The following CEMIP variants were observed in gnomAD, a reference collection of about 807,000 sequenced individuals.
The protein encoded by CEMIP is cell migration-inducing and hyaluronan-binding protein.
A neutral mutation model predicts 156.9 loss-of-function variants in CEMIP; 105 were observed. The observed-to-expected ratio is 0.67, with a 90% CI of 0.57 to 0.79. The LOEUF (loss-of-function observed/expected upper bound fraction) is 0.79, where lower values mean the gene tolerates loss of function less well. CEMIP is among the 30% of genes least tolerant of loss of function. The pLI is 0.00. For synonymous variants in CEMIP, 676 were observed against 668.4 expected, an observed-to-expected ratio of 1.01 and a Z score of -0.17; for missense variants, 1,457 against 1,769.4, an observed-to-expected ratio of 0.82 and a Z score of 3.17.
intron 19 of CEMIP, among the ~76,000 whole-genome samples, chr15:80,927,819 C>G (rs972295470): frequency 2.6e-5 from 4 of 152,066 alleles, no homozygotes; most frequent in Non-Finnish European, 4.4e-5. Context: ...GGAGATAAGA[C>G]TCAGGAAGTT....
At chr15:80,835,081 CAGAGAG>C (rs36062989) in intron 1 of CEMIP, among the ~76,000 whole-genome samples, 34,305 of 150,678 alleles carry the variant, frequency 0.23, 3,955 homozygotes, top group South Asian at 0.34. Flanking sequence ...GTCCTCATTG[CAGAGAG>C]AGAGAGAGAG....
intron 1 of CEMIP, among the ~76,000 whole-genome samples, chr15:80,840,818 A>G (rs1390263813): frequency 6.6e-6 from 1 of 152,170 alleles, no homozygotes; most frequent in Non-Finnish European, 1.5e-5. Context: ...TTACATTAGG[A>G]ACACCAGCAG....
intron 4 of CEMIP, 131 bp downstream of exon 4, chr15:80,878,998 G>A: frequency 8.2e-7 from 1 of 1,219,542 alleles, no homozygotes; most frequent in Non-Finnish European, 1.2e-6. Context: ...TTGGCATTTG[G>A]TTGTCTGAGA....
intron 1 of CEMIP, among the ~76,000 whole-genome samples, chr15:80,858,014 C>A (rs1003376069): frequency 6.6e-6 from 1 of 152,078 alleles, no homozygotes; most frequent in African/African-American, 2.4e-5. Context: ...GACAGAGAGG[C>A]CCATGTTGCA....
At chr15:80,874,050 G>C (rs1567077655) in intron 3 of CEMIP, 77 bp downstream of exon 3, 3 of 1,367,064 alleles carry the variant, frequency 2.2e-6, no homozygotes, top group Non-Finnish European at 3.1e-6. Flanking sequence ...GGCTGCTTTT[G>C]GGGGAGCCAG....
chr15:80,938,579 T>C (rs548697845), intron 25 of CEMIP, among the ~76,000 whole-genome samples: 156 of 152,266 alleles, frequency 1.0e-3, no homozygotes, highest in Non-Finnish European at 1.8e-3. Context: ...CATTCCAGCC[T>C]GGGTGACAGA....
At chr15:80,936,396 A>G (rs931119883) in intron 23 of CEMIP, among the ~76,000 whole-genome samples, 1 of 152,222 alleles carries the variant, frequency 6.6e-6, no homozygotes, top group Non-Finnish European at 1.5e-5. Context: ...ACTATTATGC[A>G]GACTCTTCTC....
chr15:80,936,556 G>A, intron 23 of CEMIP, 118 bp from the exon 24 acceptor site: 1 of 897,092 alleles, frequency 1.1e-6, no homozygotes, highest in Non-Finnish European at 1.9e-6. Flanking sequence ...TCTAAAAAGG[G>A]TTCTGTAAAG....
chr15:80,870,237 TG>T (rs776357990), intron 1 of CEMIP, among the ~76,000 whole-genome samples: 21 of 152,026 alleles, frequency 1.4e-4, no homozygotes, highest in Admixed American at 1.2e-3. Flanking sequence ...TCATGCAGGG[TG>T]GGTAGGGACG....
intron 7 of CEMIP, among the ~76,000 whole-genome samples, chr15:80,885,309 C>T (rs1898798339): frequency 6.6e-6 from 1 of 152,148 alleles, no homozygotes; most frequent in South Asian, 2.1e-4. Flanking sequence ...GCTGGCTGGG[C>T]AGAAATTCCC....
intron 12 of CEMIP, among the ~76,000 whole-genome samples, chr15:80,901,702 C>CAAA (rs35218666): frequency 3.7e-5 from 5 of 136,608 alleles, no homozygotes; most frequent in South Asian, 2.4e-4. Context: ...GACTTTGTCT[C>CAAA]AAAAAAAAAA....
At chr15:80,944,329 T>C (rs569470660) in intron 28 of CEMIP, among the ~76,000 whole-genome samples, 1 of 152,280 alleles carries the variant, frequency 6.6e-6, no homozygotes, top group South Asian at 2.1e-4. Context: ...CTACTCACAA[T>C]AGGTCTGGTG....
At chr15:80,842,068 A>G (rs1476178666) in intron 1 of CEMIP, 1 of 530,802 alleles carries the variant, frequency 1.9e-6, no homozygotes, top group South Asian at 1.4e-5. Context: ...CTTGAGTTGC[A>G]TGTCTATCAG....
chr15:80,881,824 GT>G (rs775513948), intron 6 of CEMIP, among the ~76,000 whole-genome samples: 23 of 152,180 alleles, frequency 1.5e-4, no homozygotes, highest in Non-Finnish European at 2.6e-4. Flanking sequence ...GGTGCAGGGG[GT>G]TAGGAAGCTT....
chr15:80,779,995 G>A (rs1375668542), intron 1 of CEMIP, among the ~76,000 whole-genome samples: 2 of 152,144 alleles, frequency 1.3e-5, no homozygotes, highest in Admixed American at 6.5e-5. Flanking sequence ...TCGCCGAGGA[G>A]GGAGTACCAC....
intron 1 of CEMIP, among the ~76,000 whole-genome samples, chr15:80,810,722 C>G (rs1896649270): frequency 1.3e-5 from 2 of 152,140 alleles, no homozygotes; most frequent in African/African-American, 4.8e-5. Context: ...CTTGTCTGCT[C>G]CTTGTCTATT....
At chr15:80,829,091 C>A (rs1440808280) in intron 1 of CEMIP, among the ~76,000 whole-genome samples, 2 of 152,244 alleles carry the variant, frequency 1.3e-5, no homozygotes, top group Non-Finnish European at 2.9e-5. Flanking sequence ...CCAAACCCAC[C>A]TGACAGCTGC....
At chr15:80,871,909 G>A (rs1898305713) in intron 1 of CEMIP, among the ~76,000 whole-genome samples, 1 of 152,214 alleles carries the variant, frequency 6.6e-6, no homozygotes, top group African/African-American at 2.4e-5. Context: ...TCTGGCTGAA[G>A]TGACTAGAAT....
rs1228135085 is a variant in CEMIP, at chr15:80,943,060, T to C, written c.3815T>C (p.Ile1272Thr). Residue 1272 changes from isoleucine to threonine, a missense_variant, in exon 28 of 30, where the codon ATA becomes ACA. Ile to Thr is a moderately conservative substitution (Grantham distance 89). Transcript: ENST00000394685. ...TTCAGGAACTCCATTCTGCAAGGCATACCATGGCAGCTTTTCAACTATGTG... is the reference window on the plus strand; with the variant it reads ...TTCAGGAACTCCATTCTGCAAGGCACACCATGGCAGCTTTTCAACTATGTG... ...TSFRNSILQG[I>T]PWQLFNYVAT... 1.9e-6 allele frequency: 3 copies of C among 1,614,090 alleles called. No homozygotes were observed. Among genetic ancestry groups the C allele is most frequent in the South Asian group, 1.1e-5 (1 of 91,096 alleles).
Sources: allele counts gnomAD v4.1 joint callset (sites outside exome capture counted in the v4.1 genomes callset), GRCh38; gene constraint gnomAD v4.1.1; transcripts MANE v1.5; gene names NCBI Gene and HGNC (gene_info 2026-07-23, HGNC 2026-07-21).